RNASEH2A: variants seen among roughly 807,000 people sequenced by gnomAD.
The protein encoded by RNASEH2A is RNase H(35).
A neutral mutation model predicts 32.7 loss-of-function variants in RNASEH2A; 30 were observed. The observed-to-expected ratio is 0.92, with a 90% CI of 0.69 to 1.25. RNASEH2A has a LOEUF of 1.25. Among genes scored for constraint, RNASEH2A ranks in the 50% most tolerant of loss-of-function variants. The pLI is 0.00. For synonymous variants in RNASEH2A, 147 were observed against 165.4 expected, an observed-to-expected ratio of 0.89 and a Z score of 0.86; for missense variants, 409 against 398.1, an observed-to-expected ratio of 1.03 and a Z score of -0.23.
Position 12,806,670 on chromosome 19 carries a change from C to G in RNASEH2A, c.-4C>G, listed in dbSNP as rs895250591. The G allele has an allele frequency of 1.3e-6, 2 of 1,574,312 alleles. No homozygotes were observed. The highest frequency in any genetic ancestry group is 1.2e-5 in the South Asian group (1 of 86,060). On this transcript the variant is annotated 5_prime_UTR_variant, in exon 1 of 8. Coordinates refer to ENST00000221486, the MANE Select transcript of RNASEH2A (RefSeq NM_006397.3). ...TTGCAGCTGGTGGTGGCGGCTGAGGCGGCATGGATCTCAGCGAGCTGGAGA... is the reference window on the plus strand; with the variant it reads ...TTGCAGCTGGTGGTGGCGGCTGAGGGGGCATGGATCTCAGCGAGCTGGAGA...
chr19:12,811,832 A>G lies in RNASEH2A; in HGVS notation c.638-1251A>G, dbSNP rs1011573087. 3.3e-5 allele frequency among the ~76,000 whole-genome samples: 5 copies of G among 151,634 alleles called. No homozygotes were observed. The East Asian group carries it at 9.7e-4, about 30-fold the overall frequency. Reference sequence around the variant, plus strand: ...CTCGGGAGGCTGAGGCAGGAGAATTACTTAAACCTGGGAGGTGGAGGTTGC... The same window carrying G: ...CTCGGGAGGCTGAGGCAGGAGAATTGCTTAAACCTGGGAGGTGGAGGTTGC... On this transcript the variant is annotated intron_variant, in intron 6 of 7. Transcript: ENST00000221486.
intron 1 of RNASEH2A, 86 bp downstream of exon 1, chr19:12,806,886 G>A (rs935354288): frequency 3.8e-5 from 60 of 1,596,306 alleles, no homozygotes; most frequent in Non-Finnish European, 5.0e-5. Context: ...CCAAGGGAGG[G>A]GATGTGGTCG....
intron 6 of RNASEH2A, among the ~76,000 whole-genome samples, chr19:12,812,484 A>G (rs1969087665): frequency 6.6e-6 from 1 of 152,084 alleles, no homozygotes; most frequent in Non-Finnish European, 1.5e-5. Context: ...GTGAGCCGAG[A>G]TCGCACCATT....
intron 4 of RNASEH2A, 138 bp downstream of exon 4, chr19:12,807,644 A>C (rs1047264976): frequency 1.6e-5 from 13 of 810,466 alleles, no homozygotes; most frequent in Admixed American, 4.0e-5. Context: ...CCAACTCAAA[A>C]ATGGAGGCAG....
rs774063653 is a variant in RNASEH2A at position 12,806,781 on chromosome 19, G to C, written c.108G>C (p.Ala36=). ...CTTGCGTCCTGGGCGTCGATGAGGC[G>C]GGCAGGGGCCCCGTGCTGGGTGCGC... is the stretch of plus-strand genomic sequence containing the variant. ...KEPCVLGVDE[A]GRGPVLGPMV... The change falls in exon 1 of 8, where the codon GCG becomes GCC. Residue 36 remains alanine, a synonymous_variant. Transcript: ENST00000221486. 2.5e-6 allele frequency: 4 copies of C among 1,577,250 alleles called. No individual in the cohort carries two copies.
At position 12,813,323 on chromosome 19, in the gene RNASEH2A, C is replaced by T. The variant is rs1042698901; in HGVS notation, c.762-5C>T. 3 of 1,614,140 alleles carry T rather than the reference C, an allele frequency of 1.9e-6. No homozygotes were observed. The highest frequency in any genetic ancestry group is 1.3e-5 in the African/African-American group (1 of 75,042). ...GTGGTCACTGTCATCACCTCTCTCC[C>T]ACAGGGAGGACTCAGCATCCGAGAA... On this transcript the variant is annotated splice_region_variant and splice_polypyrimidine_tract_variant and intron_variant, in intron 7 of 7. Transcript: ENST00000221486.
At position 12,809,937 on chromosome 19, in the gene RNASEH2A, A is replaced by G. The variant is rs1032953190; in HGVS notation, c.412-134A>G. On this transcript the variant is annotated intron_variant, in intron 4 of 7. Coordinates refer to ENST00000221486, the MANE Select transcript of RNASEH2A (RefSeq NM_006397.3). ...TCTAGGAGGAGATGTTCGAGTTGAA[A>G]TCCCTGATTGATCCATCCTGGGGAC... 3.7e-5 allele frequency: 43 copies of G among 1,177,546 alleles called. No homozygotes were observed. In the Admixed American group the frequency reaches 5.7e-4, roughly 16 times the overall value. The allele number at this position is 1,177,546 out of a possible 1,614,324, so 72.9% of individuals were successfully genotyped here. A position where few individuals can be genotyped will look rare whatever the true frequency, so the allele number is the denominator to read the frequency against.
chr19:12,806,861 C>T, intron 1 of RNASEH2A, 61 bp downstream of exon 1: 1 of 1,593,898 alleles, frequency 6.3e-7, no homozygotes, highest in Non-Finnish European at 8.5e-7. Flanking sequence ...AAACGGGAGT[C>T]GGGATTGCAC....
intron 6 of RNASEH2A, among the ~76,000 whole-genome samples, chr19:12,811,427 T>C (rs1054928279): frequency 6.6e-6 from 1 of 151,486 alleles, no homozygotes; most frequent in Non-Finnish European, 1.5e-5. Flanking sequence ...CTGGGCAACA[T>C]AGCGAGACCC....
chr19:12,807,112 T>A, intron 2 of RNASEH2A, 33 bp downstream of exon 2: 1 of 1,614,084 alleles, frequency 6.2e-7, no homozygotes, highest in Admixed American at 1.7e-5. Context: ...GGGAAGGGAT[T>A]CCTGGGTATG....
In RNASEH2A at chr19:12,810,103, A is replaced by T; in HGVS notation, c.444A>T (p.Thr148=). The change falls in exon 5 of 8, where the codon ACA becomes ACT. Residue 148 remains threonine (T), a synonymous_variant. Transcript: ENST00000221486. ...TGGACACCGTAGGGATGCCAGAGACATACCAGGCGCGGCTGCAGCAAAGTT... is the reference window on the plus strand; with the variant it reads ...TGGACACCGTAGGGATGCCAGAGACTTACCAGGCGCGGCTGCAGCAAAGTT... The part of the protein sequence containing the change: ...VFVDTVGMPE[T]YQARLQQSFP... 1.2e-6 allele frequency: 2 copies of T among 1,614,218 alleles called. No individual in the cohort carries two copies. Among genetic ancestry groups the T allele is most frequent in the Non-Finnish European group, 1.7e-6 (2 of 1,180,038 alleles).
chr19:12,806,711 G>T lies in RNASEH2A; in HGVS notation c.38G>T (p.Arg13Leu), dbSNP rs1289383180. The T allele has an allele frequency of 6.4e-7, 1 of 1,569,712 alleles. No individual in the cohort carries two copies. Among genetic ancestry groups the T allele is most frequent in the Non-Finnish European group, 8.6e-7 (1 of 1,157,372 alleles). ...LSELERDNTG[R>L]CRLSSPVPAV... ...GAGCTGGAGAGAGACAATACAGGCCGCTGTCGCCTGAGTTCGCCTGTGCCC... is the reference window on the plus strand; with the variant it reads ...GAGCTGGAGAGAGACAATACAGGCCTCTGTCGCCTGAGTTCGCCTGTGCCC... Residue 13 changes from arginine (R) to leucine (L), a missense_variant, in exon 1 of 8, where the codon CGC (arginine) becomes CTC (leucine). By Grantham distance (102) the Arg-to-Leu change is moderately radical. Transcript: ENST00000221486.
intron 6 of RNASEH2A, 28 bp downstream of exon 6, chr19:12,810,432 A>G (rs1464968375): frequency 1.3e-6 from 2 of 1,572,528 alleles, no homozygotes; most frequent in Non-Finnish European, 1.8e-6. Context: ...CATGGTACTA[A>G]TGTTGAAATG....
chr19:12,807,369 C>T lies in RNASEH2A; in HGVS notation c.323+40C>T, dbSNP rs759008737. On this transcript the variant is annotated intron_variant, in intron 3 of 7. Transcript: ENST00000221486. ...GGAGGGGCAGCCAGCATGGGCTGAC[C>T]AAGCTTTGTTCCTAGAATGAGATTA... 1.3e-5 allele frequency: 21 copies of T among 1,614,156 alleles called. 1 individual carries two copies. The South Asian group carries it at 2.1e-4, about 16-fold the overall frequency.
rs1337243889 is a variant in RNASEH2A at position 12,813,366 on chromosome 19, A to T, written c.800A>T (p.Lys267Met). Residue 267 changes from lysine (K) to methionine (M), a missense_variant, in exon 8 of 8, where the codon AAG becomes ATG. By Grantham distance (95) the Lys-to-Met change is moderately conservative. Transcript: ENST00000221486. ...SASENQEGLR[K>M]ITSYFLNEGS... ...TCCGAGAATCAGGAGGGACTCAGGA[A>T]GATCACATCCTACTTCCTCAATGAA... 6.2e-7 allele frequency: 1 copy of T among 1,614,056 alleles called. No homozygotes were observed. The highest frequency in any genetic ancestry group is 8.5e-7 in the Non-Finnish European group (1 of 1,180,040).
intron 4 of RNASEH2A, among the ~76,000 whole-genome samples, chr19:12,808,319 G>A (rs1319262422): frequency 2.0e-5 from 3 of 152,182 alleles, no homozygotes; most frequent in African/African-American, 7.2e-5. Context: ...AGATACGTCT[G>A]GAGTGCCTCG....
rs762363861 is a variant in RNASEH2A, at chr19:12,806,799, G to C, written c.126G>C (p.Leu42=). Residue 42 remains leucine (L), a splice_region_variant and synonymous_variant, in exon 1 of 8, where the codon CTG becomes CTC. Coordinates refer to ENST00000221486, the MANE Select transcript of RNASEH2A (RefSeq NM_006397.3). ...ATGAGGCGGGCAGGGGCCCCGTGCT[G>C]GGTGCGCCCCTAGGGCCAGGGAGGG... ...GVDEAGRGPV[L]GPMVYAICYC... 40 of 1,581,160 alleles carry C rather than the reference G, an allele frequency of 2.5e-5. No individual in the cohort carries two copies. In the South Asian group the frequency reaches 4.4e-4, roughly 17 times the overall value.
In RNASEH2A at chr19:12,807,225, G is replaced by C. The variant is rs754532258; in HGVS notation, c.219G>C (p.Glu73Asp). Residue 73 changes from glutamate (E) to aspartate (D), a missense_variant, in exon 3 of 8, where the codon GAG becomes GAC. Glu to Asp is a conservative substitution (Grantham distance 45). Coordinates refer to ENST00000221486, the MANE Select transcript of RNASEH2A (RefSeq NM_006397.3). ...TCCCAGACTCAAAGACCCTATTGGA[G>C]AGCGAGCGGGAAAGGCTGTTTGCGA... is the stretch of plus-strand genomic sequence containing the variant. ...LKVADSKTLL[E>D]SERERLFAKM... 4 of 1,614,204 alleles carry C rather than the reference G, an allele frequency of 2.5e-6. No individual in the cohort carries two copies. The highest frequency in any genetic ancestry group is 1.6e-4 in the Middle Eastern group (1 of 6,062).
chr19:12,810,656 G>T (rs370221723), intron 6 of RNASEH2A, among the ~76,000 whole-genome samples: 1 of 151,980 alleles, frequency 6.6e-6, no homozygotes, highest in East Asian at 1.9e-4. Flanking sequence ...TCAGCCTCGC[G>T]AGTAGCTGGG....
Sources: allele counts gnomAD v4.1 joint callset (sites outside exome capture counted in the v4.1 genomes callset), GRCh38; gene constraint gnomAD v4.1.1; transcripts MANE v1.5; gene names NCBI Gene and HGNC (gene_info 2026-07-23, HGNC 2026-07-21).